Variants in GTSE1 observed in about 807,000 individuals in gnomAD.
GTSE1 encodes the protein G2 and S-phase expressed 1.
In GTSE1, 52 loss-of-function variants were observed where a neutral mutation model predicts 60.5. That is an observed-to-expected ratio of 0.86 (90% CI 0.69 to 1.08). The LOEUF is 1.08. Ranked by LOEUF, GTSE1 falls within the 50% of genes least tolerant of loss-of-function variation. GTSE1 has a pLI of 0.00. For synonymous variants in GTSE1, 368 were observed against 386.5 expected, an observed-to-expected ratio of 0.95 and a Z score of 0.56; for missense variants, 937 against 961.8, an observed-to-expected ratio of 0.97 and a Z score of 0.34.
rs569408536 is a variant in GTSE1, at chr22:46,318,895, C to T, written c.1432+2483C>T. ...ATCCTCATGGTCTAGTGTGGCTGCA[C>T]CGGCTCTGGCCCTCATACCTCCCGG... On this transcript the variant is annotated intron_variant, in intron 7 of 11. Coordinates refer to ENST00000454366, the MANE Select transcript of GTSE1 (RefSeq NM_016426.7). The surrounding 1 kb of genome is among the most constrained non-coding windows in gnomAD (Gnocchi z 4.8). Among the ~76,000 whole-genome samples, 10 of 152,204 alleles carry T rather than the reference C, an allele frequency of 6.6e-5. No homozygotes were observed. Among genetic ancestry groups the T allele is most frequent in the Non-Finnish European group, 1.5e-4 (10 of 68,022 alleles).
intron 8 of GTSE1, 136 bp from the exon 9 acceptor site, chr22:46,326,300 G>A (rs952331152): frequency 4.5e-6 from 3 of 666,064 alleles, no homozygotes; most frequent in Non-Finnish European, 7.2e-6. Context: ...GGAGAGCGGA[G>A]CTCACACGGG....
At position 46,307,850 on chromosome 22, in the gene GTSE1, G is replaced by A. The variant is rs180981449; in HGVS notation, c.80-300G>A. Among the ~76,000 whole-genome samples the A allele has an allele frequency of 7.4e-3, 1,120 of 151,454 alleles. 17 individuals carry two copies. Among genetic ancestry groups the A allele is most frequent in the African/African-American group, 0.026 (1,086 of 41,276 alleles). On this transcript the variant is annotated intron_variant, in intron 2 of 11. Coordinates refer to ENST00000454366, the MANE Select transcript of GTSE1 (RefSeq NM_016426.7). The stretch of plus-strand genomic sequence containing the variant: ...AAACTGGCCAGGCATGGTGGCTCAC[G>A]CCTGTAACCCCAACACTTTGGGAGG...
chr22:46,321,523 C>T lies in GTSE1; in HGVS notation c.1433-1667C>T, dbSNP rs1601914107. Among the ~76,000 whole-genome samples, 1 of 152,286 alleles carries T rather than the reference C, an allele frequency of 6.6e-6. No individual in the cohort carries two copies. Among genetic ancestry groups the T allele is most frequent in the Non-Finnish European group, 1.5e-5 (1 of 68,022 alleles). Reference sequence around the variant, plus strand: ...CCAGTGCTGGGGTGAACATGGAGGCCTGGTGAACGCACAGGTGGGGGCGGT... The same window carrying T: ...CCAGTGCTGGGGTGAACATGGAGGCTTGGTGAACGCACAGGTGGGGGCGGT... On this transcript the variant is annotated intron_variant, in intron 7 of 11. Coordinates refer to ENST00000454366, the MANE Select transcript of GTSE1 (RefSeq NM_016426.7). This position sits in a 1 kb window ranked among gnomAD's most constrained non-coding sequence, Gnocchi z 4.0.
intron 2 of GTSE1, among the ~76,000 whole-genome samples, chr22:46,300,001 C>T (rs537919377): frequency 1.4e-4 from 18 of 132,268 alleles, no homozygotes; most frequent in Non-Finnish European, 2.2e-4. Context: ...GATGGGGTTT[C>T]ACTGTGTTAG....
chr22:46,311,594 C>T (rs1053578320), intron 4 of GTSE1, among the ~76,000 whole-genome samples: 2 of 152,214 alleles, frequency 1.3e-5, no homozygotes, highest in African/African-American at 4.8e-5. Context: ...ACCTTATTAA[C>T]TCTCCTGTTA....
Position 46,316,335 on chromosome 22 carries a change from G to T in GTSE1, c.1355G>T (p.Arg452Leu). The T allele has an allele frequency of 6.2e-7, 1 of 1,612,852 alleles. No individual in the cohort carries two copies. The highest frequency in any genetic ancestry group is 8.5e-7 in the Non-Finnish European group (1 of 1,178,874). ...AATAAGACTAGAAGTATCAGACGGC[G>T]AGATTCCTGTCTAAATTCCAAGACA... The part of the protein sequence containing the change: ...QLNKTRSIRR[R>L]DSCLNSKTKV... The change falls in exon 7 of 12, where the codon CGA becomes CTA. Residue 452 changes from arginine to leucine, a missense_variant. Arg to Leu is a moderately radical substitution (Grantham distance 102). Transcript: ENST00000454366. The surrounding 1 kb of genome is among the most constrained non-coding windows in gnomAD (Gnocchi z 5.0).
Position 46,322,918 on chromosome 22 carries a change from G to A in GTSE1, c.1433-272G>A, listed in dbSNP as rs551941310. 9.8e-5 allele frequency among the ~76,000 whole-genome samples: 15 copies of A among 152,306 alleles called. No individual in the cohort carries two copies. The East Asian group carries it at 1.4e-3, about 14-fold the overall frequency. ...GGATATACAGCCAGGGTGGGGCGGC[G>A]CAGTGAAGATGGCTCTTCTCTTTCT... On this transcript the variant is annotated intron_variant, in intron 7 of 11. Transcript: ENST00000454366.
chr22:46,304,183 G>A lies in GTSE1; in HGVS notation c.80-3967G>A, dbSNP rs1303986823. Among the ~76,000 whole-genome samples, 1 of 151,876 alleles carries A rather than the reference G, an allele frequency of 6.6e-6. No individual in the cohort carries two copies. The highest frequency in any genetic ancestry group is 1.5e-5 in the Non-Finnish European group (1 of 67,964). The stretch of plus-strand genomic sequence containing the variant: ...TTTTTTTTTTCTTTTTGTAGAGCTG[G>A]GGTCTCGCTATGTTGCGAGGGCTGG... On this transcript the variant is annotated intron_variant, in intron 2 of 11. Coordinates refer to ENST00000454366, the MANE Select transcript of GTSE1 (RefSeq NM_016426.7). The surrounding 1 kb of genome is among the most constrained non-coding windows in gnomAD (Gnocchi z 4.4).
chr22:46,312,973 G>A (rs1275873339), intron 5 of GTSE1, among the ~76,000 whole-genome samples: 1 of 151,764 alleles, frequency 6.6e-6, no homozygotes, highest in Non-Finnish European at 1.5e-5. Flanking sequence ...GACCAGCCTG[G>A]GCAACATAGT....
chr22:46,301,960 C>T (rs1459547082), intron 2 of GTSE1, among the ~76,000 whole-genome samples: 1 of 152,132 alleles, frequency 6.6e-6, no homozygotes, highest in East Asian at 1.9e-4. Flanking sequence ...GAAACCCCGT[C>T]TCTACTAAAA....
rs1397845112 is a variant in GTSE1, at chr22:46,320,053, C to T, written c.1433-3137C>T. Among the ~76,000 whole-genome samples, 1 of 151,998 alleles carries T rather than the reference C, an allele frequency of 6.6e-6. No individual in the cohort carries two copies. The highest frequency in any genetic ancestry group is 2.4e-5 in the African/African-American group (1 of 41,384). On this transcript the variant is annotated intron_variant, in intron 7 of 11. Coordinates refer to ENST00000454366, the MANE Select transcript of GTSE1 (RefSeq NM_016426.7). This position sits in a 1 kb window ranked among gnomAD's most constrained non-coding sequence, Gnocchi z 7.1. ...GATTGGGTGGGTTCTGCAGGGACAC[C>T]CTACGGCCCAGGTCATGTGGAGGTG...
In GTSE1 at chr22:46,329,555, G is replaced by C; in HGVS notation, c.2124G>C (p.Pro708=). ...ATAAAAATGTGGCCAAACCTTCACC[G>C]GTGGTGGGACAGGTGAGAAGTGGCA... The part of the protein sequence containing the change: ...DMNKNVAKPS[P]VVGQLIDLSS... Residue 708 remains proline (P), a synonymous_variant, in exon 11 of 12, where the codon CCG becomes CCC. Coordinates refer to ENST00000454366, the MANE Select transcript of GTSE1 (RefSeq NM_016426.7). This position sits in a 1 kb window ranked among gnomAD's most constrained non-coding sequence, Gnocchi z 6.4. The C allele has an allele frequency of 6.2e-7, 1 of 1,613,336 alleles. No individual in the cohort carries two copies. Among genetic ancestry groups the C allele is most frequent in the Non-Finnish European group, 8.5e-7 (1 of 1,179,282 alleles).
Position 46,297,323 on chromosome 22 carries a change from A to G in GTSE1, c.-21-57A>G, listed in dbSNP as rs1177558875. 2.0e-6 allele frequency: 2 copies of G among 1,016,348 alleles called. No homozygotes were observed. Among genetic ancestry groups the G allele is most frequent in the African/African-American group, 3.1e-5 (2 of 63,590 alleles). 63.0% of individuals were successfully genotyped at this position (1,016,348 alleles called of 1,614,324 possible). On this transcript the variant is annotated intron_variant, in intron 1 of 11. Transcript: ENST00000454366. This position sits in a 1 kb window ranked among gnomAD's most constrained non-coding sequence, Gnocchi z 4.9. ...CCTCTGTGAGCCGAGGGCTGAAGGAAGCCGGAGCCCTGGGCCCTGACACGT... is the reference window on the plus strand; with the variant it reads ...CCTCTGTGAGCCGAGGGCTGAAGGAGGCCGGAGCCCTGGGCCCTGACACGT...
chr22:46,301,557 G>T (rs9615943), intron 2 of GTSE1, among the ~76,000 whole-genome samples: 2 of 150,284 alleles, frequency 1.3e-5, no homozygotes, highest in Non-Finnish European at 3.0e-5. Context: ...GTGCGATCTC[G>T]GCTCACTGCA....
chr22:46,325,144 G>A (rs966761832), intron 8 of GTSE1, among the ~76,000 whole-genome samples: 5 of 152,094 alleles, frequency 3.3e-5, no homozygotes, highest in East Asian at 1.9e-4. Context: ...CACAGCTGCC[G>A]CCTTCTCTGT....
Position 46,328,656 on chromosome 22 carries a change from C to G in GTSE1, c.1725-32C>G, listed in dbSNP as rs199993333. The G allele has an allele frequency of 5.2e-6, 8 of 1,531,422 alleles. No homozygotes were observed. The East Asian group carries it at 1.8e-4, about 35-fold the overall frequency. 94.9% of individuals were successfully genotyped at this position (1,531,422 alleles called of 1,614,324 possible). A position where few individuals can be genotyped will look rare whatever the true frequency, so the allele number is the denominator to read the frequency against. ...GCCAAGTGAACGAGCATTTTAGAGA[C>G]ATTTTCTCATAAGTTTTTTTCCTTC... On this transcript the variant is annotated intron_variant, in intron 9 of 11. Transcript: ENST00000454366.
At position 46,326,560 on chromosome 22, in the gene GTSE1, A is replaced by G; in HGVS notation, c.1630A>G (p.Met544Val). 6.2e-7 allele frequency: 1 copy of G among 1,614,148 alleles called. No individual in the cohort carries two copies. The change falls in exon 9 of 12, where the codon ATG (methionine) becomes GTG (valine). Residue 544 changes from methionine (M) to valine (V), a missense_variant. Transcript: ENST00000454366. ...CCGGCGCTGCTCTGGCCTTCCACCG[A>G]TGACCCCCAAAACGATGCCCAGGGC... ...ASRRCSGLPP[M>V]TPKTMPRAVG...
intron 8 of GTSE1, among the ~76,000 whole-genome samples, chr22:46,326,121 G>A (rs2077842183): frequency 6.6e-6 from 1 of 152,288 alleles, no homozygotes; most frequent in Admixed American, 6.5e-5. Context: ...AACCTCGTGT[G>A]AAGTGACATT....
At chr22:46,322,194 G>A (rs1031467103) in intron 7 of GTSE1, among the ~76,000 whole-genome samples, 3 of 152,026 alleles carry the variant, frequency 2.0e-5, no homozygotes, top group South Asian at 2.1e-4. Context: ...GGGTGCAGGC[G>A]CAGGAGGGCG....
Sources: allele counts gnomAD v4.1 joint callset (sites outside exome capture counted in the v4.1 genomes callset), GRCh38; gene constraint gnomAD v4.1.1; non-coding constraint Gnocchi (gnomAD v3.1); transcripts MANE v1.5; gene names NCBI Gene and HGNC (gene_info 2026-07-23, HGNC 2026-07-21).